PCDH10: variants seen among roughly 807,000 people sequenced by gnomAD.
PCDH10 encodes protocadherin 10.
In PCDH10, 15 loss-of-function variants were observed where a neutral mutation model predicts 74.4. That is an observed-to-expected ratio of 0.20 (90% CI 0.13 to 0.31). PCDH10 has a LOEUF of 0.31. Among genes scored for constraint, PCDH10 ranks in the 10% least tolerant of loss-of-function variants. The probability of loss-of-function intolerance (pLI) is 1.00; values close to 1 mark genes in which losing one functional copy is unlikely to be tolerated. For missense variants in PCDH10, 1,260 were observed against 1,390.2 expected (o/e 0.91, Z 1.49); for synonymous variants, 619 against 589.8 (o/e 1.05, Z -0.72).
intron 2 of PCDH10, among the ~76,000 whole-genome samples, chr4:133,205,645 A>G (rs1468510431): frequency 6.6e-6 from 1 of 151,896 alleles, no homozygotes; most frequent in East Asian, 1.9e-4. Flanking sequence ...CGTTATTTGG[A>G]TGCTGAACCT....
In PCDH10 at chr4:133,152,541, C is replaced by A; in HGVS notation, c.2401C>A (p.Gln801Lys). Reference protein sequence around the residue: ...QSSNVPSNPAQVPIEESGGFG... With the variant: ...QSSNVPSNPAKVPIEESGGFG... ...CTCCAATGTACCCAGTAACCCGGCCCAGGTGCCGATAGAGGAGTCCGGGGG... is the reference window on the plus strand; with the variant it reads ...CTCCAATGTACCCAGTAACCCGGCCAAGGTGCCGATAGAGGAGTCCGGGGG... Residue 801 changes from glutamine (Q) to lysine (K), a missense_variant, in exon 1 of 5, where the codon CAG becomes AAG. Transcript: ENST00000264360. 1.2e-6 allele frequency: 2 copies of A among 1,614,154 alleles called. No individual in the cohort carries two copies. The highest frequency in any genetic ancestry group is 2.2e-5 in the East Asian group (1 of 44,858).
intron 4 of PCDH10, among the ~76,000 whole-genome samples, chr4:133,184,887 C>T (rs1011985100): frequency 6.8e-6 from 1 of 146,660 alleles, no homozygotes; most frequent in African/African-American, 2.5e-5. Flanking sequence ...AAATATCTAC[C>T]CAGTGGACTA....
Position 133,151,414 on chromosome 4 carries a change from C to A in PCDH10, c.1274C>A (p.Ala425Glu). The change falls in exon 1 of 5, where the codon GCG (alanine) becomes GAG (glutamate). Residue 425 changes from alanine to glutamate, a missense_variant. By Grantham distance (107) the Ala-to-Glu change is moderately radical (BLOSUM62 -1). This residue lies in a region of PCDH10 where 112 missense variants were observed against 123.6 expected (regional missense o/e 0.91). Coordinates refer to ENST00000264360, the MANE Select transcript of PCDH10 (RefSeq NM_032961.3). Reference sequence around the variant, plus strand: ...ACCGAAGCCCCCCTGGACCGAGAGGCGGGGGACTCCTACACCCTGACTGTA... The same window carrying A: ...ACCGAAGCCCCCCTGGACCGAGAGGAGGGGGACTCCTACACCCTGACTGTA... ...IVTEAPLDRE[A>E]GDSYTLTVVA... The A allele has an allele frequency of 6.2e-7, 1 of 1,614,054 alleles. No individual in the cohort carries two copies. The highest frequency in any genetic ancestry group is 8.5e-7 in the Non-Finnish European group (1 of 1,180,014).
intron 4 of PCDH10, among the ~76,000 whole-genome samples, chr4:133,183,250 T>A (rs1438875507): frequency 6.6e-6 from 1 of 152,130 alleles, no homozygotes; most frequent in Non-Finnish European, 1.5e-5. Flanking sequence ...TGAGAGGTAG[T>A]TGACATAGTT....
chr4:133,202,687 G>C (rs910745981), intron 2 of PCDH10, among the ~76,000 whole-genome samples: 1 of 151,996 alleles, frequency 6.6e-6, no homozygotes, highest in African/African-American at 2.4e-5. Flanking sequence ...CTGGACTTTT[G>C]GTGCAAAACT....
At chr4:133,173,126 G>T (rs555437865) in intron 4 of PCDH10, among the ~76,000 whole-genome samples, 2 of 151,922 alleles carry the variant, frequency 1.3e-5, no homozygotes, top group African/African-American at 2.4e-5. Flanking sequence ...TTCTTTGAAC[G>T]CAGATTAGAA....
chr4:133,157,282 T>G (rs1726886874), intron 3 of PCDH10, among the ~76,000 whole-genome samples: 1 of 152,194 alleles, frequency 6.6e-6, no homozygotes, highest in Admixed American at 6.5e-5. Flanking sequence ...TGTTTTCTTT[T>G]TTAAGTATAA....
intron 4 of PCDH10, among the ~76,000 whole-genome samples, chr4:133,170,513 T>A (rs1215243597): frequency 6.6e-6 from 1 of 152,182 alleles, no homozygotes; most frequent in Non-Finnish European, 1.5e-5. Flanking sequence ...AATCATTAAA[T>A]TTTTAATCAG....
intron 4 of PCDH10, among the ~76,000 whole-genome samples, chr4:133,186,276 A>G (rs1438256121): frequency 6.6e-6 from 1 of 152,154 alleles, no homozygotes; most frequent in Non-Finnish European, 1.5e-5. Context: ...TCTAGCATTT[A>G]TGACTCACTA....
downstream of PCDH10, among the ~76,000 whole-genome samples, chr4:133,199,559 A>G (rs1013397025): frequency 1.3e-5 from 2 of 149,946 alleles, no homozygotes; most frequent in African/African-American, 4.9e-5. Context: ...TGAGGGAGAA[A>G]TGATGATGAC....
downstream of PCDH10, among the ~76,000 whole-genome samples, chr4:133,199,323 A>AATAATG (rs1727856923): frequency 6.9e-6 from 1 of 143,906 alleles, no homozygotes; most frequent in Non-Finnish European, 1.5e-5. Flanking sequence ...TAATAATAAT[A>AATAATG]ATAATTAATT....
At position 133,154,371 on chromosome 4, in the gene PCDH10, G is replaced by C. The variant is rs200542929; in HGVS notation, c.2690+6G>C. The C allele has an allele frequency of 6.3e-7, 1 of 1,583,296 alleles. No homozygotes were observed. Among genetic ancestry groups the C allele is most frequent in the Non-Finnish European group, 8.6e-7 (1 of 1,161,254 alleles). On this transcript the variant is annotated splice_donor_region_variant and intron_variant, in intron 2 of 4. Coordinates refer to ENST00000264360, the MANE Select transcript of PCDH10 (RefSeq NM_032961.3). ...AGACCTCGCCGAGTTAACAGGTATG[G>C]ACTCTTTTTTTCCCTAGCAGTAATG... is the stretch of plus-strand genomic sequence containing the variant.
At chr4:133,198,140 A>G (rs906193949), downstream of PCDH10, among the ~76,000 whole-genome samples, 9 of 152,122 alleles carry the variant, frequency 5.9e-5, no homozygotes, top group Admixed American at 5.2e-4. Flanking sequence ...GTTGGAAAGC[A>G]ATAGTATTTG....
Position 133,162,979 on chromosome 4 carries a change from A to G in PCDH10, c.2800A>G (p.Met934Val). 6.2e-7 allele frequency: 1 copy of G among 1,609,534 alleles called. No individual in the cohort carries two copies. Among genetic ancestry groups the G allele is most frequent in the Non-Finnish European group, 8.5e-7 (1 of 1,176,476 alleles). Residue 934 changes from methionine (M) to valine (V), a missense_variant and splice_region_variant, in exon 4 of 5, where the codon ATG (methionine) becomes GTG (valine). Physicochemically the swap from Met to Val is conservative, Grantham distance 21. This residue lies in a region of PCDH10 where 136 missense variants were observed against 149.3 expected (regional missense o/e 0.91). Coordinates refer to ENST00000264360, the MANE Select transcript of PCDH10 (RefSeq NM_032961.3). ...DATNRAQSAGMDLFSNCTEEC... is the reference protein window; with the variant it reads ...DATNRAQSAGVDLFSNCTEEC... ...TAGTTTCTGTTTTCTGCTTACAGGTATGGATCTCTTCTCCAATTGCACTGA... is the reference window on the plus strand; with the variant it reads ...TAGTTTCTGTTTTCTGCTTACAGGTGTGGATCTCTTCTCCAATTGCACTGA...
chr4:133,187,620 T>G (rs1414935088), intron 4 of PCDH10, among the ~76,000 whole-genome samples: 1 of 152,072 alleles, frequency 6.6e-6, no homozygotes, highest in Non-Finnish European at 1.5e-5. Flanking sequence ...GGAAGTAAAT[T>G]TAATAATAGG....
At chr4:133,181,219 AAC>A (rs1727407711) in intron 4 of PCDH10, among the ~76,000 whole-genome samples, 1 of 152,180 alleles carries the variant, frequency 6.6e-6, no homozygotes, top group South Asian at 2.1e-4. Flanking sequence ...TAATTTAAAT[AAC>A]AGTTAAGATT....
chr4:133,187,272 T>G (rs542990803), intron 4 of PCDH10, among the ~76,000 whole-genome samples: 16 of 152,092 alleles, frequency 1.1e-4, no homozygotes, highest in Non-Finnish European at 2.2e-4. Context: ...TTTATGTGAA[T>G]GAAGTGATGT....
chr4:133,160,318 A>G (rs1726941452), intron 3 of PCDH10, among the ~76,000 whole-genome samples: 1 of 151,846 alleles, frequency 6.6e-6, no homozygotes, highest in Non-Finnish European at 1.5e-5. Flanking sequence ...GGATTAATTC[A>G]TAGATTTATT....
chr4:133,152,072 C>A lies in PCDH10; in HGVS notation c.1932C>A (p.Val644=), dbSNP rs747027926. Reference sequence around the variant, plus strand: ...GGGAGCTGCGCACAGCACGCCGAGTCCCGGCCAAGCGCGACCCCCAGCGGC... The same window carrying A: ...GGGAGCTGCGCACAGCACGCCGAGTACCGGCCAAGCGCGACCCCCAGCGGC... The part of the protein sequence containing the change: ...RTGELRTARR[V]PAKRDPQRPY... Residue 644 remains valine (V), a synonymous_variant, in exon 1 of 5, where the codon GTC becomes GTA. Coordinates refer to ENST00000264360, the MANE Select transcript of PCDH10 (RefSeq NM_032961.3). 14 of 1,602,986 alleles carry A rather than the reference C, an allele frequency of 8.7e-6. No individual in the cohort carries two copies. Among genetic ancestry groups the A allele is most frequent in the Non-Finnish European group, 1.2e-5 (14 of 1,175,288 alleles).
Sources: allele counts gnomAD v4.1 joint callset (sites outside exome capture counted in the v4.1 genomes callset), GRCh38; gene constraint gnomAD v4.1.1; regional missense constraint gnomAD v4.1.1; transcripts MANE v1.5; gene names NCBI Gene and HGNC (gene_info 2026-07-23, HGNC 2026-07-21).